The following STX8 variants were observed in gnomAD, a reference collection of about 807,000 sequenced individuals.
STX8 encodes syntaxin 8.
Under a neutral mutation model 37.5 loss-of-function variants are expected in STX8, and 23 were observed. The observed-to-expected ratio is 0.61, with a 90% CI of 0.44 to 0.87. The LOEUF (loss-of-function observed/expected upper bound fraction) is 0.87, where lower values mean the gene tolerates loss of function less well. Ranked by LOEUF, STX8 falls within the 40% of genes least tolerant of loss-of-function variation. The probability of loss-of-function intolerance (pLI) is 0.00; values close to 1 mark genes in which losing one functional copy is unlikely to be tolerated. For missense variants in STX8, 313 were observed against 284.7 expected (o/e 1.10, Z -0.71); for synonymous variants, 115 against 99.1 (o/e 1.16, Z -0.95).
chr17:9,547,784 T>C (rs1597736615), intron 3 of STX8, among the ~76,000 whole-genome samples: 4 of 80,110 alleles, frequency 5.0e-5, no homozygotes, highest in Non-Finnish European at 1.1e-4. Context: ...TTTCTTTTCT[T>C]TTTTTTTTTT....
intron 7 of STX8, among the ~76,000 whole-genome samples, chr17:9,257,815 C>A (rs1226423600): frequency 6.6e-6 from 1 of 152,172 alleles, no homozygotes; most frequent in Non-Finnish European, 1.5e-5. Context: ...TGGCCAAACC[C>A]CGTCTCTACT....
At chr17:9,551,897 G>C (rs1456312661) in intron 3 of STX8, among the ~76,000 whole-genome samples, 2 of 151,844 alleles carry the variant, frequency 1.3e-5, no homozygotes, top group East Asian at 1.9e-4. Context: ...AAACTAGGGG[G>C]GGGTGTAACT....
At chr17:9,509,074 CTG>C (rs931693450) in intron 4 of STX8, among the ~76,000 whole-genome samples, 15 of 152,166 alleles carry the variant, frequency 9.9e-5, no homozygotes, top group African/African-American at 3.4e-4. Context: ...TGGTGAAACT[CTG>C]TCTCTACTAA....
intron 7 of STX8, among the ~76,000 whole-genome samples, chr17:9,251,205 A>C (rs1203465626): frequency 6.6e-6 from 1 of 152,172 alleles, no homozygotes; most frequent in East Asian, 1.9e-4. Flanking sequence ...TTTTGGCTGG[A>C]GAGCACAGGC....
At position 9,314,046 on chromosome 17, in the gene STX8, T is replaced by C. The variant is rs551500441; in HGVS notation, c.644-63401A>G. 1.4e-4 allele frequency among the ~76,000 whole-genome samples: 22 copies of C among 152,338 alleles called. No homozygotes were observed. The South Asian group carries it at 2.3e-3, about 16-fold the overall frequency. On this transcript the variant is annotated intron_variant, in intron 7 of 7. Coordinates refer to ENST00000306357, the MANE Select transcript of STX8 (RefSeq NM_004853.3). ...CTGATCTCATTTGGTTTAACAGTTA[T>C]TTATATACACGTCTTAACTCCCCTA...
intron 7 of STX8, among the ~76,000 whole-genome samples, chr17:9,373,943 A>G (rs925527536): frequency 6.6e-6 from 1 of 151,866 alleles, no homozygotes; most frequent in African/African-American, 2.4e-5. Context: ...CTATCTAAAA[A>G]AAAAAAAAAA....
intron 6 of STX8, among the ~76,000 whole-genome samples, chr17:9,424,099 G>A (rs1913540048): frequency 6.6e-6 from 1 of 152,188 alleles, no homozygotes; most frequent in East Asian, 1.9e-4. Context: ...TGAAAGAACT[G>A]CTCCAACCAT....
At chr17:9,333,020 T>C (rs1910011960) in intron 7 of STX8, among the ~76,000 whole-genome samples, 1 of 152,224 alleles carries the variant, frequency 6.6e-6, no homozygotes, top group African/African-American at 2.4e-5. Flanking sequence ...CTACCGAGAA[T>C]GAAGATATGC....
chr17:9,511,218 C>A (rs1180852987), intron 4 of STX8, among the ~76,000 whole-genome samples: 1 of 149,386 alleles, frequency 6.7e-6, no homozygotes, highest in Non-Finnish European at 1.5e-5. Context: ...TCAAACTATT[C>A]CAAAAAATTG....
At chr17:9,367,546 G>C (rs1310641176) in intron 7 of STX8, among the ~76,000 whole-genome samples, 1 of 152,108 alleles carries the variant, frequency 6.6e-6, no homozygotes, top group Non-Finnish European at 1.5e-5. Flanking sequence ...CTACCTGAGA[G>C]AAAAAGATCC....
At chr17:9,371,443 T>C (rs2142273247) in intron 7 of STX8, among the ~76,000 whole-genome samples, 1 of 152,326 alleles carries the variant, frequency 6.6e-6, no homozygotes, top group African/African-American at 2.4e-5. Context: ...TATGCATTTG[T>C]ATGTGTTCAT....
chr17:9,333,657 C>T (rs112798317), intron 7 of STX8, among the ~76,000 whole-genome samples: 13 of 152,130 alleles, frequency 8.5e-5, no homozygotes, highest in South Asian at 2.1e-4. Context: ...CCAAAGTGCT[C>T]GGATTACAGG....
chr17:9,420,042 T>C (rs182152984), intron 6 of STX8, among the ~76,000 whole-genome samples: 5 of 152,350 alleles, frequency 3.3e-5, no homozygotes, highest in Non-Finnish European at 5.9e-5. Context: ...TTCTGTAATA[T>C]TAGTGTTGGG....
chr17:9,411,199 GGTGGTCA>G (rs1403761368), intron 6 of STX8, among the ~76,000 whole-genome samples: 1 of 152,152 alleles, frequency 6.6e-6, no homozygotes, highest in Admixed American at 6.5e-5. Flanking sequence ...GAAAGTGCTT[GGTGGTCA>G]GTAACACCCA....
At chr17:9,481,562 T>C (rs73265569) in intron 6 of STX8, among the ~76,000 whole-genome samples, 3,777 of 152,252 alleles carry the variant, frequency 0.025, 139 homozygotes, top group African/African-American at 0.084. Flanking sequence ...CATGTGCTCT[T>C]ATCACCAGGA....
At chr17:9,377,405 AT>A (rs1204599802) in intron 7 of STX8, among the ~76,000 whole-genome samples, 1 of 151,868 alleles carries the variant, frequency 6.6e-6, no homozygotes, top group African/African-American at 2.4e-5. Context: ...GGCTCAAGTG[AT>A]TCTCCTGTCT....
At chr17:9,430,869 T>G (rs945498986) in intron 6 of STX8, among the ~76,000 whole-genome samples, 5 of 152,186 alleles carry the variant, frequency 3.3e-5, no homozygotes, top group African/African-American at 9.7e-5. Flanking sequence ...CAGGATGGTC[T>G]CAATCTCCTG....
intron 6 of STX8, among the ~76,000 whole-genome samples, chr17:9,415,403 G>A (rs1913151784): frequency 6.6e-6 from 1 of 152,064 alleles, no homozygotes; most frequent in African/African-American, 2.4e-5. Flanking sequence ...CCTCAAATAA[G>A]GTCCTAGAAC....
chr17:9,566,445 C>T (rs1328637930), intron 2 of STX8, among the ~76,000 whole-genome samples: 4 of 152,184 alleles, frequency 2.6e-5, no homozygotes, highest in East Asian at 3.8e-4. Flanking sequence ...TCAGCAATCC[C>T]GTTATTGGGT....
Sources: allele counts gnomAD v4.1 joint callset (sites outside exome capture counted in the v4.1 genomes callset), GRCh38; gene constraint gnomAD v4.1.1; transcripts MANE v1.5; gene names NCBI Gene and HGNC (gene_info 2026-07-23, HGNC 2026-07-21).